Variants in STXBP5L observed in about 807,000 individuals in gnomAD.
The protein encoded by STXBP5L is syntaxin binding protein 5L.
In STXBP5L, 65 loss-of-function variants were observed where a neutral mutation model predicts 144.5. That is an observed-to-expected ratio of 0.45 (90% CI 0.37 to 0.55). The LOEUF (loss-of-function observed/expected upper bound fraction) is 0.55. Among genes scored for constraint, STXBP5L ranks in the 20% least tolerant of loss-of-function variants. The probability of loss-of-function intolerance (pLI) is 0.00; values close to 1 mark genes in which losing one functional copy is unlikely to be tolerated. For missense variants in STXBP5L, 1,298 were observed against 1,405.5 expected (o/e 0.92, Z 1.22); for synonymous variants, 505 against 469.6 (o/e 1.08, Z -0.97).
intron 18 of STXBP5L, among the ~76,000 whole-genome samples, chr3:121,260,123 T>A (rs191233727): frequency 2.2e-3 from 330 of 152,228 alleles, no homozygotes; most frequent in Non-Finnish European, 3.7e-3. Flanking sequence ...AATCAAACTT[T>A]CCATCCTGGT....
chr3:121,080,658 T>A (rs969882858), intron 5 of STXBP5L, among the ~76,000 whole-genome samples: 3 of 152,210 alleles, frequency 2.0e-5, no homozygotes, highest in Non-Finnish European at 4.4e-5. Context: ...CCACAATCCC[T>A]TCTGGCTTGA....
intron 7 of STXBP5L, among the ~76,000 whole-genome samples, chr3:121,143,176 A>G (rs2045576608): frequency 1.3e-5 from 2 of 151,740 alleles, no homozygotes; most frequent in Non-Finnish European, 3.0e-5. Context: ...CAGAACGTCT[A>G]AGAACTAGTA....
intron 7 of STXBP5L, among the ~76,000 whole-genome samples, chr3:121,126,610 G>T (rs2044714667): frequency 6.6e-6 from 1 of 152,144 alleles, no homozygotes; most frequent in African/African-American, 2.4e-5. Flanking sequence ...TTGATATGGG[G>T]TAATGATAAT....
intron 3 of STXBP5L, among the ~76,000 whole-genome samples, chr3:121,012,424 C>T (rs1944844231): frequency 6.6e-6 from 1 of 151,786 alleles, no homozygotes. Context: ...GTTTCACATT[C>T]CCACCAGCAA....
rs572987244 is a variant in STXBP5L, at chr3:120,968,962, G to A, written c.287+13925G>A. 3.3e-5 allele frequency among the ~76,000 whole-genome samples: 5 copies of A among 152,134 alleles called. No individual in the cohort carries two copies. In the South Asian group the frequency reaches 1.0e-3, roughly 32 times the overall value. ...TGTTGGTTGATAGACACTTAGGTTA[G>A]TTCCATATCTTTGCAATTGTGAATT... On this transcript the variant is annotated intron_variant, in intron 3 of 26. Coordinates refer to ENST00000471454, the MANE Select transcript of STXBP5L (RefSeq NM_001308330.2).
Position 121,100,808 on chromosome 3 carries a change from G to A in STXBP5L, c.471-14117G>A, listed in dbSNP as rs569948306. On this transcript the variant is annotated intron_variant, in intron 5 of 26. Transcript: ENST00000471454. ...CACAATATATCGACAAAAAAAAAAA[G>A]TTGGTTCTTTGAAAGAATAAATATT... 3.3e-5 allele frequency among the ~76,000 whole-genome samples: 5 copies of A among 151,080 alleles called. No homozygotes were observed. The East Asian group carries it at 7.8e-4, about 23-fold the overall frequency.
At chr3:121,093,690 T>A (rs1395452855) in intron 5 of STXBP5L, among the ~76,000 whole-genome samples, 1 of 152,200 alleles carries the variant, frequency 6.6e-6, no homozygotes, top group South Asian at 2.1e-4. Flanking sequence ...TTGCTAGCCG[T>A]CTATCAATTT....
rs549473900 is a variant in STXBP5L at position 121,213,178 on chromosome 3, C to A, written c.956+7177C>A. On this transcript the variant is annotated intron_variant, in intron 10 of 26. Transcript: ENST00000471454. Reference sequence around the variant, plus strand: ...CAAACAGAGACAATTTGAATTCCTCCCTTTCTATTTGAATACCCTTTATTT... The same window carrying A: ...CAAACAGAGACAATTTGAATTCCTCACTTTCTATTTGAATACCCTTTATTT... Among the ~76,000 whole-genome samples the A allele has an allele frequency of 1.4e-3, 213 of 152,114 alleles. 3 individuals are homozygous for A. The highest frequency in any genetic ancestry group is 3.8e-3 in the Admixed American group (58 of 15,260).
chr3:121,301,972 A>G (rs1049314824), intron 19 of STXBP5L, among the ~76,000 whole-genome samples: 8 of 152,236 alleles, frequency 5.3e-5, no homozygotes, highest in African/African-American at 1.9e-4. Context: ...GGATTTTTAC[A>G]TTGATCTTCA....
Position 121,054,741 on chromosome 3 carries a change from A to G in STXBP5L, c.470+9206A>G, listed in dbSNP as rs185093784. ...GTACCGTAAAACTTAAAGTATAATAATAATAAAATTTTAAAAAGAGTTGTT... is the reference window on the plus strand; with the variant it reads ...GTACCGTAAAACTTAAAGTATAATAGTAATAAAATTTTAAAAAGAGTTGTT... On this transcript the variant is annotated intron_variant, in intron 5 of 26. Transcript: ENST00000471454. Among the ~76,000 whole-genome samples, 83 of 152,082 alleles carry G rather than the reference A, an allele frequency of 5.5e-4. 3 individuals are homozygous for G. The East Asian group carries it at 0.012, about 23-fold the overall frequency.
chr3:121,411,281 C>T (rs926641970), intron 23 of STXBP5L, among the ~76,000 whole-genome samples: 1 of 152,004 alleles, frequency 6.6e-6, no homozygotes, highest in African/African-American at 2.4e-5. Context: ...TTTCAGGTCC[C>T]ATTTTACATA....
intron 20 of STXBP5L, among the ~76,000 whole-genome samples, chr3:121,327,071 G>T (rs2044171140): frequency 6.6e-6 from 1 of 152,234 alleles, no homozygotes; most frequent in African/African-American, 2.4e-5. Flanking sequence ...TAGAACCAAT[G>T]ATCTGACTGA....
At chr3:121,356,405 C>T (rs770453686) in intron 20 of STXBP5L, among the ~76,000 whole-genome samples, 10 of 152,230 alleles carry the variant, frequency 6.6e-5, no homozygotes, top group Non-Finnish European at 7.3e-5. Context: ...TGGCGGATGC[C>T]CCTCCCCAAG....
chr3:121,009,235 T>C (rs1224998208), intron 3 of STXBP5L, among the ~76,000 whole-genome samples: 1 of 151,992 alleles, frequency 6.6e-6, no homozygotes, highest in African/African-American at 2.4e-5. Flanking sequence ...TGTACTATGT[T>C]AGGCATTGAC....
At chr3:121,254,749 G>T in intron 15 of STXBP5L, 146 bp from the exon 16 acceptor site, 1 of 654,836 alleles carries the variant, frequency 1.5e-6, no homozygotes, top group Non-Finnish European at 2.6e-6. Flanking sequence ...TGAAAGCGTG[G>T]CATTGAATGC....
intron 19 of STXBP5L, among the ~76,000 whole-genome samples, chr3:121,285,781 C>A (rs1248108892): frequency 3.3e-5 from 5 of 151,950 alleles, no homozygotes; most frequent in African/African-American, 9.7e-5. Context: ...GAGTTTCTTT[C>A]TTCTAATATA....
intron 9 of STXBP5L, among the ~76,000 whole-genome samples, chr3:121,179,104 G>T (rs889880484): frequency 1.3e-5 from 2 of 151,802 alleles, no homozygotes; most frequent in East Asian, 3.9e-4. Flanking sequence ...CTCACCAAAG[G>T]ATACCTCCCC....
intron 20 of STXBP5L, among the ~76,000 whole-genome samples, chr3:121,322,537 A>G (rs917503905): frequency 1.3e-5 from 2 of 150,828 alleles, no homozygotes; most frequent in Non-Finnish European, 2.9e-5. Context: ...TCCATGGTGT[A>G]TATGAACCAC....
intron 2 of STXBP5L, among the ~76,000 whole-genome samples, chr3:120,929,463 G>A (rs1709808953): frequency 6.6e-6 from 1 of 151,650 alleles, no homozygotes; most frequent in Admixed American, 6.6e-5. Context: ...ACACTTTTTG[G>A]TTGTTAAGGA....
Sources: gnomAD v4.1 joint callset for allele counts (sites outside exome capture counted in the v4.1 genomes callset) on GRCh38, gnomAD v4.1.1 for gene constraint, MANE v1.5 for transcripts, NCBI Gene and HGNC (gene_info 2026-07-23, HGNC 2026-07-21) for gene names.